MEI4: variants seen among roughly 807,000 people sequenced by gnomAD.
The protein encoded by MEI4 is meiosis-specific protein MEI4.
A neutral mutation model predicts 31.4 loss-of-function variants in MEI4; 27 were observed. The observed-to-expected ratio is 0.86, with a 90% confidence interval of 0.63 to 1.19. The LOEUF (loss-of-function observed/expected upper bound fraction) is 1.19, where lower values mean the gene tolerates loss of function less well. Among genes scored for constraint, MEI4 ranks in the 50% most tolerant of loss-of-function variants. MEI4 has a pLI of 0.00. For synonymous variants in MEI4, 122 were observed against 145.4 expected, an observed-to-expected ratio of 0.84 and a Z score of 1.16; for missense variants, 329 against 398.9, an observed-to-expected ratio of 0.82 and a Z score of 1.49.
intron 2 of MEI4, among the ~76,000 whole-genome samples, chr6:77,711,336 AT>A (rs1766461494): frequency 6.6e-6 from 1 of 152,166 alleles, no homozygotes; most frequent in Non-Finnish European, 1.5e-5. Flanking sequence ...GTATATATGT[AT>A]ATATATGTGT....
chr6:77,905,126 T>C (rs528625048), intron 4 of MEI4, among the ~76,000 whole-genome samples: 22 of 152,240 alleles, frequency 1.4e-4, no homozygotes, highest in African/African-American at 5.3e-4. Flanking sequence ...TCTTTATCTC[T>C]TATTCATTTC....
intron 4 of MEI4, among the ~76,000 whole-genome samples, chr6:77,901,872 AG>A (rs1242746412): frequency 5.3e-5 from 8 of 151,926 alleles, no homozygotes; most frequent in Non-Finnish European, 1.0e-4. Context: ...ATCCATTTTG[AG>A]TTGATTTTTG....
chr6:77,837,525 C>T (rs1770248617), intron 4 of MEI4, among the ~76,000 whole-genome samples: 1 of 152,146 alleles, frequency 6.6e-6, no homozygotes, highest in Non-Finnish European at 1.5e-5. Context: ...AACTTATAGC[C>T]ATGTATCAGG....
chr6:77,785,212 G>A lies in MEI4; in HGVS notation c.768+23547G>A, dbSNP rs79590914. ...GGAGGATAAAATGATGTTTTTGGAG[G>A]CACTTTGTAAATTTGTAAAACTTTA... On this transcript the variant is annotated intron_variant, in intron 3 of 4. Transcript: ENST00000684080. 1.0e-2 allele frequency among the ~76,000 whole-genome samples: 1,514 copies of A among 152,158 alleles called. 17 individuals carry two copies. Among genetic ancestry groups the A allele is most frequent in the Non-Finnish European group, 0.017 (1,134 of 67,996 alleles).
At chr6:77,662,996 C>A (rs1768541463) in intron 1 of MEI4, among the ~76,000 whole-genome samples, 1 of 152,106 alleles carries the variant, frequency 6.6e-6, no homozygotes, top group African/African-American at 2.4e-5. Context: ...TGAAGAGAGG[C>A]TGGGATTAAG....
intron 2 of MEI4, among the ~76,000 whole-genome samples, chr6:77,704,308 C>T (rs574529638): frequency 6.6e-6 from 1 of 152,256 alleles, no homozygotes; most frequent in Non-Finnish European, 1.5e-5. Flanking sequence ...TTTCTTTTTT[C>T]AACTGCCTTT....
chr6:77,904,092 T>A (rs916692837), intron 4 of MEI4, among the ~76,000 whole-genome samples: 3 of 152,132 alleles, frequency 2.0e-5, no homozygotes, highest in Non-Finnish European at 4.4e-5. Flanking sequence ...TGTGGTTTTG[T>A]TGTTTTCTGG....
At chr6:77,702,100 C>A (rs751822173) in intron 2 of MEI4, among the ~76,000 whole-genome samples, 1 of 152,114 alleles carries the variant, frequency 6.6e-6, no homozygotes. Flanking sequence ...CTAGTGGTGA[C>A]AAGAGAACAG....
chr6:77,914,620 GTTTC>G (rs1194522288), intron 4 of MEI4, among the ~76,000 whole-genome samples: 1 of 151,986 alleles, frequency 6.6e-6, no homozygotes, highest in Non-Finnish European at 1.5e-5. Context: ...TAAATCCAAT[GTTTC>G]TTTGTTGATT....
chr6:77,736,005 C>A (rs1178580506), intron 2 of MEI4, among the ~76,000 whole-genome samples: 1 of 151,854 alleles, frequency 6.6e-6, no homozygotes, highest in South Asian at 2.1e-4. Flanking sequence ...AGATCTCCAG[C>A]TGCGTGCTGG....
chr6:77,846,373 T>A (rs1770487275), intron 4 of MEI4, among the ~76,000 whole-genome samples: 1 of 152,188 alleles, frequency 6.6e-6, no homozygotes, highest in African/African-American at 2.4e-5. Flanking sequence ...TTTCAGCTTT[T>A]TATAATGGAC....
chr6:77,797,463 A>G lies in MEI4; in HGVS notation c.769-31468A>G, dbSNP rs149321648. On this transcript the variant is annotated intron_variant, in intron 3 of 4. Coordinates refer to ENST00000684080, the MANE Select transcript of MEI4 (RefSeq NM_001322247.2). ...AATTGGCTTACACGATCATAAGGCA[A>G]AGTCCCATGGTGGGCCATCTGCAAG... Among the ~76,000 whole-genome samples the G allele has an allele frequency of 2.1e-4, 32 of 152,266 alleles. 1 individual carries two copies. Among genetic ancestry groups the G allele is most frequent in the South Asian group, 1.2e-3 (6 of 4,830 alleles).
At chr6:77,827,360 TAAAA>T (rs57446339) in intron 3 of MEI4, among the ~76,000 whole-genome samples, 162 of 67,780 alleles carry the variant, frequency 2.4e-3, no homozygotes, top group African/African-American at 6.5e-3. Context: ...GACTCCATCT[TAAAA>T]AAAAAAAAAA....
Position 77,722,637 on chromosome 6 carries a change from TAATA to T in MEI4, c.232+31738_232+31741del, listed in dbSNP as rs1418357052. ...TGGTGATTTCCGCACCCCATTGTTG[TAATA>T]AATCTCGACCCCACAGATTAAGAGG... On this transcript the variant is annotated intron_variant, in intron 2 of 4. Coordinates refer to ENST00000684080, the MANE Select transcript of MEI4 (RefSeq NM_001322247.2). Among the ~76,000 whole-genome samples the T allele has an allele frequency of 9.4e-3, 1,322 of 140,190 alleles. 3 individuals are homozygous for T. The highest frequency in any genetic ancestry group is 0.034 in the African/African-American group (1,258 of 36,856). The allele number at this position is 140,190 out of a possible 152,430, so 92.0% of individuals were successfully genotyped here.
At position 77,835,577 on chromosome 6, in the gene MEI4, C is replaced by T. The variant is rs188451074; in HGVS notation, c.900+6515C>T. Among the ~76,000 whole-genome samples, 213 of 151,962 alleles carry T rather than the reference C, an allele frequency of 1.4e-3. 1 individual carries two copies. Among genetic ancestry groups the T allele is most frequent in the African/African-American group, 4.5e-3 (187 of 41,488 alleles). On this transcript the variant is annotated intron_variant, in intron 4 of 4. Transcript: ENST00000684080. ...CATACTGATTATATTGACACAATAT[C>T]TTTTTAAAAATTACCTTGAAAACAC...
chr6:77,772,936 T>A (rs1768352181), intron 3 of MEI4, among the ~76,000 whole-genome samples: 1 of 151,730 alleles, frequency 6.6e-6, no homozygotes. Context: ...ATCAAGAAAG[T>A]AATGCCATTT....
chr6:77,730,582 C>A (rs993411265), intron 2 of MEI4, among the ~76,000 whole-genome samples: 12 of 151,402 alleles, frequency 7.9e-5, no homozygotes, highest in Admixed American at 2.0e-4. Flanking sequence ...CCTTTTAATT[C>A]AGTATTTTTT....
chr6:77,666,984 C>A (rs1274660997), intron 1 of MEI4, among the ~76,000 whole-genome samples: 1 of 151,888 alleles, frequency 6.6e-6, no homozygotes, highest in Non-Finnish European at 1.5e-5. Flanking sequence ...GAAGTGCATT[C>A]CTATCAAGGT....
At position 77,804,183 on chromosome 6, in the gene MEI4, C is replaced by T. The variant is rs1284171051; in HGVS notation, c.769-24748C>T. On this transcript the variant is annotated intron_variant, in intron 3 of 4. Transcript: ENST00000684080. Reference sequence around the variant, plus strand: ...AGCCTCAGCAATGGCGGACGCCCCTCCCCCAGCCTCGCTACCGCCTTGCAG... The same window carrying T: ...AGCCTCAGCAATGGCGGACGCCCCTTCCCCAGCCTCGCTACCGCCTTGCAG... 3.9e-5 allele frequency among the ~76,000 whole-genome samples: 6 copies of T among 152,170 alleles called. No individual in the cohort carries two copies. In the East Asian group the frequency reaches 1.2e-3, roughly 29 times the overall value.
Sources: allele counts gnomAD v4.1 joint callset (sites outside exome capture counted in the v4.1 genomes callset), GRCh38; gene constraint gnomAD v4.1.1; transcripts MANE v1.5; gene names NCBI Gene and HGNC (gene_info 2026-07-23, HGNC 2026-07-21).